Variants in TMEM245 observed in about 807,000 individuals in gnomAD.
TMEM245 encodes the protein protein CG-2.
A neutral mutation model predicts 101.2 loss-of-function variants in TMEM245; 69 were observed. The ratio of observed to expected loss-of-function variants is 0.68; its 90% CI spans 0.56 to 0.83. TMEM245 has a LOEUF of 0.83. Among genes scored for constraint, TMEM245 ranks in the 40% least tolerant of loss-of-function variants. The pLI is 0.00. For synonymous variants in TMEM245, 537 were observed against 449.8 expected, an observed-to-expected ratio of 1.19 and a Z score of -2.45; for missense variants, 1,075 against 1,092.8, an observed-to-expected ratio of 0.98 and a Z score of 0.23.
At chr9:109,039,758 G>GA (rs1828247791) in intron 14 of TMEM245, among the ~76,000 whole-genome samples, 1 of 151,984 alleles carries the variant, frequency 6.6e-6, no homozygotes, top group Admixed American at 6.6e-5. Flanking sequence ...GTAGTAGGAG[G>GA]AAAATCACTA....
At position 109,053,618 on chromosome 9, in the gene TMEM245, G is replaced by C. The variant is rs540851755; in HGVS notation, c.1855-2926C>G. ...GTCATGAACGGTGGTCTCTACTGTG[G>C]ATAAGAACTGACCAACAAGGCCTCA... On this transcript the variant is annotated intron_variant, in intron 12 of 17. Coordinates refer to ENST00000374586, the MANE Select transcript of TMEM245 (RefSeq NM_032012.4). 4.6e-5 allele frequency among the ~76,000 whole-genome samples: 7 copies of C among 152,246 alleles called. No individual in the cohort carries two copies. In the East Asian group the frequency reaches 1.4e-3, roughly 29 times the overall value.
At chr9:109,063,328 C>G (rs1829071184) in intron 10 of TMEM245, among the ~76,000 whole-genome samples, 1 of 152,136 alleles carries the variant, frequency 6.6e-6, no homozygotes, top group South Asian at 2.1e-4. Flanking sequence ...CCATGTTGGT[C>G]AGGCTGGTCT....
rs747812816 is a variant in TMEM245, at chr9:109,091,040, C to T, written c.1032G>A (p.Thr344=). Residue 344 remains threonine (T), a synonymous_variant, in exon 5 of 18, where the codon ACG becomes ACA. Coordinates refer to ENST00000374586, the MANE Select transcript of TMEM245 (RefSeq NM_032012.4). The part of the protein sequence containing the change: ...TLGRRRPEIG[T]FLRKKKTSDI... ...CACTAGTTTTCTTCTTTCTAAGAAA[C>T]GTTCCTATTTCAGGCCTTCGTCTGC... 9.9e-6 allele frequency: 16 copies of T among 1,613,988 alleles called. No individual in the cohort carries two copies. The highest frequency in any genetic ancestry group is 2.2e-5 in the East Asian group (1 of 44,890).
chr9:109,041,286 C>G (rs1190527960), intron 14 of TMEM245, among the ~76,000 whole-genome samples: 4 of 151,862 alleles, frequency 2.6e-5, no homozygotes, highest in African/African-American at 7.3e-5. Flanking sequence ...CTATTCAGCC[C>G]CCCCAAAAGA....
At position 109,091,039 on chromosome 9, in the gene TMEM245, A is replaced by G. The variant is rs1294022747; in HGVS notation, c.1033T>C (p.Phe345Leu). ...TCACTAGTTTTCTTCTTTCTAAGAA[A>G]CGTTCCTATTTCAGGCCTTCGTCTG... ...LGRRRPEIGT[F>L]LRKKKTSDIY... Residue 345 changes from phenylalanine (F) to leucine (L), a missense_variant, in exon 5 of 18, where the codon TTT becomes CTT. By Grantham distance (22) the Phe-to-Leu change is conservative (BLOSUM62 0). Around this residue, in one of 2 missense-constraint regions of TMEM245, gnomAD observed 808 missense variants for 741.5 expected, o/e 1.09. Coordinates refer to ENST00000374586, the MANE Select transcript of TMEM245 (RefSeq NM_032012.4). 8 of 1,614,226 alleles carry G rather than the reference A, an allele frequency of 5.0e-6. No homozygotes were observed. Among genetic ancestry groups the G allele is most frequent in the Non-Finnish European group, 6.8e-6 (8 of 1,180,040 alleles).
At chr9:109,102,392 C>T (rs1830302868) in intron 3 of TMEM245, among the ~76,000 whole-genome samples, 1 of 152,106 alleles carries the variant, frequency 6.6e-6, no homozygotes, top group South Asian at 2.1e-4. Flanking sequence ...AGATATTACT[C>T]ATTTATCAAA....
intron 17 of TMEM245, among the ~76,000 whole-genome samples, chr9:109,025,344 T>C (rs1325097856): frequency 1.3e-5 from 2 of 152,206 alleles, no homozygotes; most frequent in East Asian, 1.9e-4. Context: ...GTGCTGGGAT[T>C]ACAGGCATGA....
chr9:109,089,711 G>C (rs1358694494), intron 5 of TMEM245, among the ~76,000 whole-genome samples: 1 of 152,144 alleles, frequency 6.6e-6, no homozygotes, highest in Non-Finnish European at 1.5e-5. Context: ...TTAGGAGAAA[G>C]ACAGTTTTAG....
At chr9:109,023,951 T>C (rs1162902096) in intron 17 of TMEM245, among the ~76,000 whole-genome samples, 1 of 152,140 alleles carries the variant, frequency 6.6e-6, no homozygotes, top group Non-Finnish European at 1.5e-5. Flanking sequence ...ACAGGGATTG[T>C]GCAGTGTAGT....
intron 5 of TMEM245, among the ~76,000 whole-genome samples, chr9:109,089,241 A>AT (rs1369524704): frequency 6.6e-6 from 1 of 152,200 alleles, no homozygotes; most frequent in Non-Finnish European, 1.5e-5. Context: ...CTCAAAAAAA[A>AT]AAAAAATACA....
intron 17 of TMEM245, among the ~76,000 whole-genome samples, chr9:109,028,000 G>C (rs938536661): frequency 1.3e-5 from 2 of 151,854 alleles, no homozygotes; most frequent in African/African-American, 4.8e-5. Context: ...TTCTTAACAT[G>C]AGCCAACAGC....
chr9:109,032,807 CTTTTTT>C, intron 17 of TMEM245, among the ~76,000 whole-genome samples: 1 of 123,160 alleles, frequency 8.1e-6, no homozygotes. Context: ...CAATATAGGT[CTTTTTT>C]TTTTTTTTTT....
chr9:109,099,161 AC>A (rs1264927284), intron 3 of TMEM245, among the ~76,000 whole-genome samples: 2 of 152,140 alleles, frequency 1.3e-5, no homozygotes, highest in African/African-American at 4.8e-5. Context: ...TGTTTCCATT[AC>A]TAATGTGGAA....
rs1564199182 is a variant in TMEM245, at chr9:109,087,263, A to G, written c.1230T>C (p.Ile410=). ...LEKRYHVWWG[I]IESFLKERQG... ...GCCGCTCCTTCAGGAAGCTTTCTAT[A>G]ATGCCCCACCACACATGGTAGCGTT... Residue 410 remains isoleucine (I), a synonymous_variant, in exon 6 of 18, where the codon ATT becomes ATC. Transcript: ENST00000374586. The G allele has an allele frequency of 8.7e-6, 14 of 1,613,930 alleles. No individual in the cohort carries two copies. Among genetic ancestry groups the G allele is most frequent in the Non-Finnish European group, 1.1e-5 (13 of 1,179,978 alleles).
chr9:109,076,253 A>AGCC (rs1829494496), intron 8 of TMEM245, among the ~76,000 whole-genome samples: 1 of 18,436 alleles, frequency 5.4e-5, no homozygotes, highest in Non-Finnish European at 1.3e-4. Context: ...TGAAGCTGGA[A>AGCC]ACCATTCTCA....
chr9:109,022,152 A>G (rs553843294), intron 17 of TMEM245, among the ~76,000 whole-genome samples: 1 of 152,338 alleles, frequency 6.6e-6, no homozygotes, highest in Admixed American at 6.5e-5. Context: ...GGGAACAGGT[A>G]AAATGTCACA....
intron 8 of TMEM245, among the ~76,000 whole-genome samples, chr9:109,075,252 T>C (rs1829462789): frequency 6.6e-6 from 1 of 152,212 alleles, no homozygotes; most frequent in Non-Finnish European, 1.5e-5. Flanking sequence ...CCTTTTTACA[T>C]ACTGCAGGAT....
chr9:109,016,935 ATT>A lies in TMEM245; in HGVS notation c.*3523_*3524del, dbSNP rs1317196210. ...TATGAGAAGTCCTAAGGGTTTTTGT[ATT>A]TTGTTTTTTTTTCCTATAAACCCTG... On this transcript the variant is annotated 3_prime_UTR_variant, in exon 18 of 18. Transcript: ENST00000374586. 7.2e-6 allele frequency: 1 copy of A among 139,652 alleles called. No individual in the cohort carries two copies. Among genetic ancestry groups the A allele is most frequent in the Non-Finnish European group, 1.6e-5 (1 of 61,416 alleles). The allele number at this position is 139,652 out of a possible 1,614,324, so 8.7% of individuals were successfully genotyped here. A position where few individuals can be genotyped will look rare whatever the true frequency, so the allele number is the denominator to read the frequency against.
intron 7 of TMEM245, among the ~76,000 whole-genome samples, chr9:109,081,263 A>G (rs1829658299): frequency 6.6e-6 from 1 of 152,194 alleles, no homozygotes; most frequent in Non-Finnish European, 1.5e-5. Flanking sequence ...ATTCTAAACA[A>G]AATATTGACA....
Sources: allele counts gnomAD v4.1 joint callset (sites outside exome capture counted in the v4.1 genomes callset), GRCh38; gene constraint gnomAD v4.1.1; regional missense constraint gnomAD v4.1.1; transcripts MANE v1.5; gene names NCBI Gene and HGNC (gene_info 2026-07-23, HGNC 2026-07-21).